Variants in POLR3B observed in about 807,000 individuals in gnomAD.
POLR3B encodes RNA polymerase III subunit B, also known as DNA-directed RNA polymerase III subunit RPC2.
In POLR3B, 96 loss-of-function variants were observed where a neutral mutation model predicts 147.4. That is an observed-to-expected ratio of 0.65 (90% CI 0.55 to 0.77). The LOEUF is 0.77. Ranked by LOEUF, POLR3B falls within the 30% of genes least tolerant of loss-of-function variation. POLR3B has a pLI of 0.00. For missense variants in POLR3B, 1,036 were observed against 1,413.5 expected, an observed-to-expected ratio of 0.73 and a Z score of 4.28; for synonymous variants, 461 against 485.9, an observed-to-expected ratio of 0.95 and a Z score of 0.67.
At chr12:106,397,293 T>C (rs993268080) in intron 10 of POLR3B, among the ~76,000 whole-genome samples, 6 of 152,232 alleles carry the variant, frequency 3.9e-5, no homozygotes, top group African/African-American at 1.4e-4. Flanking sequence ...ACACTCTTAC[T>C]TGGTTATTTT....
chr12:106,388,532 G>T (rs2036872244), intron 9 of POLR3B, among the ~76,000 whole-genome samples: 2 of 152,070 alleles, frequency 1.3e-5, no homozygotes, highest in South Asian at 4.1e-4. Context: ...TGGCCAGGAT[G>T]GTCTTGATCT....
At chr12:106,423,062 C>T (rs1050302627) in intron 12 of POLR3B, among the ~76,000 whole-genome samples, 1 of 152,086 alleles carries the variant, frequency 6.6e-6, no homozygotes, top group African/African-American at 2.4e-5. Flanking sequence ...TTTTGGTAGA[C>T]ATTTTAAATA....
intron 27 of POLR3B, among the ~76,000 whole-genome samples, chr12:106,507,998 A>G (rs2038716238): frequency 6.6e-6 from 1 of 152,186 alleles, no homozygotes; most frequent in African/African-American, 2.4e-5. Flanking sequence ...TATACACACA[A>G]AAAACTTAAA....
chr12:106,496,578 A>AT, intron 24 of POLR3B, 174 bp from the exon 25 acceptor site: 1 of 653,084 alleles, frequency 1.5e-6, no homozygotes, highest in East Asian at 2.7e-5. Flanking sequence ...GACCTATCTC[A>AT]TAGGGGTATT....
chr12:106,503,228 T>A (rs1354206011), intron 26 of POLR3B, among the ~76,000 whole-genome samples: 2 of 152,228 alleles, frequency 1.3e-5, no homozygotes, highest in African/African-American at 2.4e-5. Context: ...TACAACTTCT[T>A]TGATTTCACA....
At chr12:106,435,448 G>A (rs11112991) in intron 16 of POLR3B, among the ~76,000 whole-genome samples, 21,505 of 151,582 alleles carry the variant, frequency 0.14, 1,928 homozygotes, top group Non-Finnish European at 0.2. Flanking sequence ...CCCAGCACCT[G>A]TAAATTCTTA....
At chr12:106,489,778 G>A (rs749188308) in intron 23 of POLR3B, among the ~76,000 whole-genome samples, 1 of 152,118 alleles carries the variant, frequency 6.6e-6, no homozygotes, top group Non-Finnish European at 1.5e-5. Flanking sequence ...CCTTGTACTC[G>A]TGTAGTACTT....
At chr12:106,477,565 G>A in intron 23 of POLR3B, among the ~76,000 whole-genome samples, 1 of 151,912 alleles carries the variant, frequency 6.6e-6, no homozygotes, top group South Asian at 2.1e-4. Flanking sequence ...ATAGTCTCGT[G>A]GTGCACCGTT....
chr12:106,398,712 C>G (rs922815099), intron 10 of POLR3B, among the ~76,000 whole-genome samples: 4 of 152,200 alleles, frequency 2.6e-5, no homozygotes, highest in Admixed American at 6.5e-5. Context: ...TGCTGACACC[C>G]AGGCAAACAG....
intron 11 of POLR3B, among the ~76,000 whole-genome samples, chr12:106,406,978 G>A (rs535550843): frequency 3.9e-5 from 6 of 152,244 alleles, no homozygotes; most frequent in African/African-American, 1.4e-4. Flanking sequence ...CGGGATCTGT[G>A]GAAGTCGAGA....
intron 9 of POLR3B, among the ~76,000 whole-genome samples, chr12:106,386,291 C>G (rs1258220935): frequency 6.8e-6 from 1 of 146,086 alleles, no homozygotes; most frequent in African/African-American, 2.6e-5. Context: ...TGCAGTGAGG[C>G]GAAATCGCAC....
At chr12:106,456,808 C>T (rs1322741207) in intron 20 of POLR3B, among the ~76,000 whole-genome samples, 1 of 152,140 alleles carries the variant, frequency 6.6e-6, no homozygotes, top group Non-Finnish European at 1.5e-5. Flanking sequence ...TTCTAATATT[C>T]TATGGCTCTG....
At chr12:106,425,363 G>C (rs1448872945) in intron 12 of POLR3B, among the ~76,000 whole-genome samples, 1 of 152,152 alleles carries the variant, frequency 6.6e-6, no homozygotes, top group Non-Finnish European at 1.5e-5. Flanking sequence ...CAGAGGATTT[G>C]CTGGACCTCT....
intron 18 of POLR3B, among the ~76,000 whole-genome samples, chr12:106,440,137 A>G (rs564511152): frequency 9.2e-5 from 14 of 152,278 alleles, no homozygotes; most frequent in African/African-American, 3.4e-4. Context: ...TGACAGTTCC[A>G]TCGTTGTATT....
chr12:106,396,957 G>GTTA (rs1186181558), intron 10 of POLR3B, among the ~76,000 whole-genome samples: 5 of 151,588 alleles, frequency 3.3e-5, no homozygotes, highest in African/African-American at 7.3e-5. Flanking sequence ...TGTTGTTGTT[G>GTTA]TTGTCGTTGT....
At chr12:106,391,145 C>A (rs2136914939) in intron 9 of POLR3B, among the ~76,000 whole-genome samples, 1 of 152,308 alleles carries the variant, frequency 6.6e-6, no homozygotes, top group Non-Finnish European at 1.5e-5. Flanking sequence ...GGATAACTCA[C>A]CCCCATGGCA....
At chr12:106,358,055 G>C (rs2036412998) in intron 1 of POLR3B, 104 bp downstream of exon 1, 1 of 1,554,820 alleles carries the variant, frequency 6.4e-7, no homozygotes, top group South Asian at 1.2e-5. Context: ...CGGTTTGTGC[G>C]CATGCGCCGG....
chr12:106,446,366 T>A (rs757331348), intron 19 of POLR3B: 25 of 287,682 alleles, frequency 8.7e-5, no homozygotes, highest in Non-Finnish European at 1.2e-4. Context: ...AAATAAAGAA[T>A]AGACTTGAAA....
rs11112970 is a variant in POLR3B at position 106,396,835 on chromosome 12, T to A, written c.846+3682T>A. Among the ~76,000 whole-genome samples the A allele has an allele frequency of 8.1e-3, 1,239 of 152,226 alleles. 122 individuals are homozygous for A. The East Asian group carries it at 0.21, about 25-fold the overall frequency. On this transcript the variant is annotated intron_variant, in intron 10 of 27. Transcript: ENST00000228347. ...GGCCAGGCATAGTAGGTCACACCTG[T>A]TATACTGCCACTTTGGGAGGCCCAG...
Sources: gnomAD v4.1 joint callset for allele counts (sites outside exome capture counted in the v4.1 genomes callset) on GRCh38, gnomAD v4.1.1 for gene constraint, MANE v1.5 for transcripts, NCBI Gene and HGNC (gene_info 2026-07-23, HGNC 2026-07-21) for gene names.